The following WASHC5 variants were observed in gnomAD, a reference collection of about 807,000 sequenced individuals.
WASHC5 encodes the protein WASH complex subunit 5, also known as WASH complex subunit strumpellin.
In WASHC5, 101 loss-of-function variants were observed where a neutral mutation model predicts 150.4. That is an observed-to-expected ratio of 0.67 (90% CI 0.57 to 0.79). The LOEUF (loss-of-function observed/expected upper bound fraction) is 0.79. Ranked by LOEUF, WASHC5 falls within the 30% of genes least tolerant of loss-of-function variation. WASHC5 has a pLI of 0.00. For missense variants in WASHC5, 1,195 were observed against 1,396.3 expected (o/e 0.86, Z 2.30); for synonymous variants, 467 against 491.2 (o/e 0.95, Z 0.65).
chr8:125,080,733 G>C (rs1817232703), intron 5 of WASHC5, among the ~76,000 whole-genome samples: 1 of 152,100 alleles, frequency 6.6e-6, no homozygotes, highest in Non-Finnish European at 1.5e-5. Flanking sequence ...TTAAAAAGTT[G>C]GTTAAGGTGG....
intron 25 of WASHC5, 65 bp downstream of exon 25, chr8:125,038,763 ATC>A: frequency 5.7e-6 from 9 of 1,588,542 alleles, no homozygotes; most frequent in Non-Finnish European, 7.8e-6. Flanking sequence ...CTGCACAGTA[ATC>A]TGTTACCTGG....
At chr8:125,027,216 T>G (rs897147999) in intron 28 of WASHC5, among the ~76,000 whole-genome samples, 1 of 152,216 alleles carries the variant, frequency 6.6e-6, no homozygotes, top group Non-Finnish European at 1.5e-5. Context: ...GTTTTTCACA[T>G]GATTCTATTG....
At chr8:125,057,874 C>T (rs983517220) in intron 14 of WASHC5, among the ~76,000 whole-genome samples, 4 of 152,076 alleles carry the variant, frequency 2.6e-5, no homozygotes, top group Admixed American at 2.6e-4. Flanking sequence ...GTAGCTTCCG[C>T]ATGACCTGGG....
chr8:125,059,324 A>T (rs775479406), intron 13 of WASHC5, 27 bp from the exon 14 acceptor site: 8 of 1,613,398 alleles, frequency 5.0e-6, no homozygotes, highest in African/African-American at 2.7e-5. Flanking sequence ...AACGGTAAGA[A>T]GATGTTCCTA....
At chr8:125,079,234 C>G (rs941930035) in intron 5 of WASHC5, among the ~76,000 whole-genome samples, 10 of 134,488 alleles carry the variant, frequency 7.4e-5, no homozygotes, top group Non-Finnish European at 1.2e-4. Context: ...CTCTGTCACC[C>G]AGGCTGGAGT....
At chr8:125,068,623 T>C (rs1816816621) in intron 9 of WASHC5, among the ~76,000 whole-genome samples, 1 of 152,062 alleles carries the variant, frequency 6.6e-6, no homozygotes, top group Non-Finnish European at 1.5e-5. Flanking sequence ...GCCAGAGTGG[T>C]CGTGGGGAAT....
chr8:125,081,629 G>A (rs372341293), intron 5 of WASHC5, 32 bp downstream of exon 5: 27 of 1,239,556 alleles, frequency 2.2e-5, no homozygotes, highest in Admixed American at 6.7e-5. Context: ...CGACAGCAGC[G>A]TTTCGGAAGT....
At chr8:125,050,935 G>C (rs957245143) in intron 17 of WASHC5, among the ~76,000 whole-genome samples, 1 of 152,194 alleles carries the variant, frequency 6.6e-6, no homozygotes, top group Non-Finnish European at 1.5e-5. Context: ...AATAAGGAAA[G>C]TTTTAAATGG....
At chr8:125,088,042 G>A (rs1817471497) in intron 1 of WASHC5, among the ~76,000 whole-genome samples, 1 of 152,080 alleles carries the variant, frequency 6.6e-6, no homozygotes, top group African/African-American at 2.4e-5. Flanking sequence ...ATCTGGGTAT[G>A]GTCAGCAGCT....
At chr8:125,053,148 C>G (rs969748585) in intron 17 of WASHC5, among the ~76,000 whole-genome samples, 15 of 148,748 alleles carry the variant, frequency 1.0e-4, no homozygotes, top group Non-Finnish European at 1.5e-5. Context: ...GCTTATATCT[C>G]TGTGTATATC....
intron 21 of WASHC5, 145 bp from the exon 22 acceptor site, chr8:125,044,239 C>T: frequency 1.4e-6 from 1 of 711,966 alleles, no homozygotes; most frequent in South Asian, 1.6e-5. Flanking sequence ...AAAGAAGCAA[C>T]TTCAGGTTCC....
chr8:125,056,378 T>C (rs1816407486), intron 16 of WASHC5, among the ~76,000 whole-genome samples: 1 of 152,226 alleles, frequency 6.6e-6, no homozygotes, highest in Non-Finnish European at 1.5e-5. Flanking sequence ...TCAGGTCATC[T>C]AGCTCAAAGA....
rs1017918751 is a variant in WASHC5, at chr8:125,076,376, A to G, written c.836T>C (p.Ile279Thr). 6.2e-7 allele frequency: 1 copy of G among 1,613,978 alleles called. No individual in the cohort carries two copies. Among genetic ancestry groups the G allele is most frequent in the South Asian group, 1.1e-5 (1 of 91,078 alleles). Residue 279 changes from isoleucine to threonine, a missense_variant, in exon 7 of 29, where the codon ATA becomes ACA. Coordinates refer to ENST00000318410, the MANE Select transcript of WASHC5 (RefSeq NM_014846.4). ...LHTHQAKMREIVDKYFPDNWV... is the reference protein window; with the variant it reads ...LHTHQAKMRETVDKYFPDNWV... Reference sequence around the variant, plus strand: ...ATTATCTGGAAAGTATTTATCCACTATCTCTCTCATTTTTGCTTGATGGGT... The same window carrying G: ...ATTATCTGGAAAGTATTTATCCACTGTCTCTCTCATTTTTGCTTGATGGGT...
chr8:125,076,631 C>A, intron 6 of WASHC5, 131 bp from the exon 7 acceptor site: 1 of 974,670 alleles, frequency 1.0e-6, no homozygotes, highest in Non-Finnish European at 1.6e-6. Flanking sequence ...ATCCTGGACA[C>A]TGGAAGCCCT....
intron 9 of WASHC5, among the ~76,000 whole-genome samples, chr8:125,068,636 C>T (rs1175311721): frequency 1.3e-5 from 2 of 152,116 alleles, no homozygotes; most frequent in East Asian, 3.9e-4. Context: ...TGGGGAATGC[C>T]CGACACAACA....
Position 125,024,440 on chromosome 8 carries a change from T to G in WASHC5, c.*177A>C, listed in dbSNP as rs553412034. 124 of 649,188 alleles carry G rather than the reference T, an allele frequency of 1.9e-4. 3 individuals are homozygous for G. In the Middle Eastern group the frequency reaches 4.3e-3, roughly 23 times the overall value. 40.2% of individuals were successfully genotyped at this position (649,188 alleles called of 1,614,324 possible). On this transcript the variant is annotated 3_prime_UTR_variant, in exon 29 of 29. Transcript: ENST00000318410. Reference sequence around the variant, plus strand: ...ATGTAATACCATGATTTAAACAATATCAGTTATATTAACTAATGCCATGAG... The same window carrying G: ...ATGTAATACCATGATTTAAACAATAGCAGTTATATTAACTAATGCCATGAG...
rs189128776 is a variant in WASHC5, at chr8:125,025,817, C to T, written c.3424-1144G>A. ...TTTTGTAATGAATTTTTCCAGTTTACTTACATATGCAGACAGACACACACA... is the reference window on the plus strand; with the variant it reads ...TTTTGTAATGAATTTTTCCAGTTTATTTACATATGCAGACAGACACACACA... On this transcript the variant is annotated intron_variant, in intron 28 of 28. Coordinates refer to ENST00000318410, the MANE Select transcript of WASHC5 (RefSeq NM_014846.4). Among the ~76,000 whole-genome samples, 69 of 147,740 alleles carry T rather than the reference C, an allele frequency of 4.7e-4. 1 individual carries two copies. The highest frequency in any genetic ancestry group is 9.0e-4 in the Admixed American group (13 of 14,380).
At chr8:125,042,394 G>A (rs1472371633) in intron 23 of WASHC5, among the ~76,000 whole-genome samples, 1 of 152,158 alleles carries the variant, frequency 6.6e-6, no homozygotes, top group African/African-American at 2.4e-5. Flanking sequence ...TCATCGAATA[G>A]CACAGAACAT....
At chr8:125,076,091 G>A (rs898442209) in intron 7 of WASHC5, among the ~76,000 whole-genome samples, 3 of 152,176 alleles carry the variant, frequency 2.0e-5, no homozygotes, top group Non-Finnish European at 4.4e-5. Flanking sequence ...TAAAGCAAGA[G>A]ACATTTTAAT....
Sources: allele counts gnomAD v4.1 joint callset (sites outside exome capture counted in the v4.1 genomes callset), GRCh38; gene constraint gnomAD v4.1.1; transcripts MANE v1.5; gene names NCBI Gene and HGNC (gene_info 2026-07-23, HGNC 2026-07-21).